Variants in VEZF1 observed in about 807,000 individuals in gnomAD.
VEZF1 encodes putative transcription factor DB1.
In VEZF1, 5 loss-of-function variants were observed where a neutral mutation model predicts 44.1. The ratio of observed to expected loss-of-function variants is 0.11; its 90% CI spans 0.06 to 0.24. The LOEUF is 0.24. Ranked by LOEUF, VEZF1 falls within the 10% of genes least tolerant of loss-of-function variation. The pLI is 1.00. For synonymous variants in VEZF1, 236 were observed against 233.1 expected, an observed-to-expected ratio of 1.01 and a Z score of -0.11; for missense variants, 358 against 641.8, an observed-to-expected ratio of 0.56 and a Z score of 4.78.
chr17:57,972,562 T>C lies in VEZF1; in HGVS notation c.*1911A>G, dbSNP rs1044672498. 1 of 152,634 alleles carries C rather than the reference T, an allele frequency of 6.6e-6. No individual in the cohort carries two copies. Among genetic ancestry groups the C allele is most frequent in the Non-Finnish European group, 1.5e-5 (1 of 68,042 alleles). The allele number at this position is 152,634 out of a possible 1,614,324, so 9.5% of individuals were successfully genotyped here. ...GATAAGAACAGTTGTAACAAAGTCA[T>C]AGCTACATATTTTTCTCTACATTTT... On this transcript the variant is annotated 3_prime_UTR_variant, in exon 6 of 6. Coordinates refer to ENST00000581208, the MANE Select transcript of VEZF1 (RefSeq NM_007146.3).
chr17:57,984,458 A>C (rs2075277771), intron 1 of VEZF1, among the ~76,000 whole-genome samples: 1 of 152,204 alleles, frequency 6.6e-6, no homozygotes, highest in Admixed American at 6.5e-5. Context: ...GTTCTTTACC[A>C]ACATTATTTT....
chr17:57,985,860 A>T (rs1464974921), intron 1 of VEZF1: 7 of 152,228 alleles, frequency 4.6e-5, no homozygotes, highest in Non-Finnish European at 1.5e-5. Flanking sequence ...CTGGAAAGCA[A>T]GCAGGTATTA....
rs754798024 is a variant in VEZF1 at position 57,978,472 on chromosome 17, CTAG to C, written c.1138+677_1138+679del. Among the ~76,000 whole-genome samples the C allele has an allele frequency of 6.0e-4, 91 of 152,242 alleles. 2 individuals carry two copies. In the Middle Eastern group the frequency reaches 0.02, roughly 34 times the overall value. On this transcript the variant is annotated intron_variant, in intron 5 of 5. Transcript: ENST00000581208. ...CAATAGTCCAGAAGCCAAAGCTGTA[CTAG>C]TAAGTTGAAAAGTACGTTGAAAACT...
chr17:57,980,649 C>G lies in VEZF1; in HGVS notation c.930G>C (p.Gln310His). The G allele has an allele frequency of 3.1e-6, 5 of 1,613,672 alleles. No homozygotes were observed. The highest frequency in any genetic ancestry group is 3.4e-6 in the Non-Finnish European group (4 of 1,180,042). Residue 310 changes from glutamine (Q) to histidine (H), a missense_variant, in exon 4 of 6, where the codon CAG becomes CAC. Transcript: ENST00000581208. ...YITSHLKTHG[Q>H]SQSINCNTCK... is the part of the protein sequence containing the mutation. Reference sequence around the variant, plus strand: ...ATGTATTACAGTTGATACTTTGGCTCTGCCCATGAGTCTTTAAGTGGCTGG... The same window carrying G: ...ATGTATTACAGTTGATACTTTGGCTGTGCCCATGAGTCTTTAAGTGGCTGG...
intron 1 of VEZF1, among the ~76,000 whole-genome samples, chr17:57,987,617 G>T (rs1435074025): frequency 6.6e-6 from 1 of 152,022 alleles, no homozygotes; most frequent in Non-Finnish European, 1.5e-5. Flanking sequence ...AGCGAAAGAT[G>T]GATGAAGTGG....
chr17:57,979,653 T>C (rs1352672379), intron 4 of VEZF1, among the ~76,000 whole-genome samples: 1 of 151,804 alleles, frequency 6.6e-6, no homozygotes, highest in Non-Finnish European at 1.5e-5. Flanking sequence ...ATCACAATAA[T>C]GTACACTAAA....
chr17:57,983,389 T>C lies in VEZF1; in HGVS notation c.38A>G (p.His13Arg). The C allele has an allele frequency of 6.2e-7, 1 of 1,603,254 alleles. No homozygotes were observed. The highest frequency in any genetic ancestry group is 8.5e-7 in the Non-Finnish European group (1 of 1,177,244). ...ANWTAFLFQA[H>R]EASHHQQQAA... ...CTGCTGTTGGTGATGGGAAGCTTCA[T>C]GGGCCTAAAACCAAACATTTACACT... The change falls in exon 2 of 6, where the codon CAT becomes CGT. Residue 13 changes from histidine to arginine, a missense_variant. Coordinates refer to ENST00000581208, the MANE Select transcript of VEZF1 (RefSeq NM_007146.3).
intron 1 of VEZF1, among the ~76,000 whole-genome samples, chr17:57,984,830 TC>T (rs2075280934): frequency 2.0e-5 from 3 of 152,212 alleles, no homozygotes; most frequent in African/African-American, 7.2e-5. Context: ...GTTCTCAGTT[TC>T]AATTTAATAA....
intron 1 of VEZF1, chr17:57,985,486 A>C (rs2075286386): frequency 2.5e-6 from 3 of 1,202,254 alleles, no homozygotes; most frequent in Non-Finnish European, 3.1e-6. Context: ...GACAGAGTAA[A>C]ATAACAACCA....
Position 57,988,134 on chromosome 17 carries a change from CCTCCCCA to C in VEZF1, c.-30_-24del. On this transcript the variant is annotated 5_prime_UTR_variant, in exon 1 of 6. Transcript: ENST00000581208. ...CATGGCTGCGGCGGCCGACCCCCCT[CCTCCCCA>C]CTCCCCCCGCTCGGGGAGCCTCCTC... is the stretch of plus-strand genomic sequence containing the variant. 1.3e-6 allele frequency: 1 copy of C among 769,086 alleles called. No homozygotes were observed. Among genetic ancestry groups the C allele is most frequent in the Non-Finnish European group, 1.7e-6 (1 of 594,646 alleles). The allele number at this position is 769,086 out of a possible 1,614,324, so 47.6% of individuals were successfully genotyped here.
At chr17:57,980,457 T>A (rs1343109093) in intron 4 of VEZF1, 146 bp downstream of exon 4, 1 of 708,602 alleles carries the variant, frequency 1.4e-6, no homozygotes, top group Non-Finnish European at 2.4e-6. Flanking sequence ...GACATTAATA[T>A]ACTCTGTCCA....
rs1250004370 is a variant in VEZF1, at chr17:57,972,784, C to T, written c.*1689G>A. 6.6e-6 allele frequency: 1 copy of T among 152,432 alleles called. No homozygotes were observed. The highest frequency in any genetic ancestry group is 1.5e-5 in the Non-Finnish European group (1 of 68,026). 9.4% of individuals were successfully genotyped at this position (152,432 alleles called of 1,614,324 possible). ...AGATCATTTATAAAATTATTTTACA[C>T]TAAGTACTATTTATTTTATTTTTTT... On this transcript the variant is annotated 3_prime_UTR_variant, in exon 6 of 6. Transcript: ENST00000581208.
Position 57,983,080 on chromosome 17 carries a change from A to T in VEZF1, c.347T>A (p.Ile116Asn), listed in dbSNP as rs781739727. Reference protein sequence around the residue: ...KKTPTTVVPLISTIAGDSSRT... With the variant: ...KKTPTTVVPLNSTIAGDSSRT... The stretch of plus-strand genomic sequence containing the variant: ...GCTGCTGTCCCCAGCGATGGTAGAG[A>T]TAAGGGGAACCACCGTGGTGGGGGT... Residue 116 changes from isoleucine to asparagine, a missense_variant, in exon 2 of 6, where the codon ATC becomes AAC. Coordinates refer to ENST00000581208, the MANE Select transcript of VEZF1 (RefSeq NM_007146.3). The T allele has an allele frequency of 5.6e-6, 9 of 1,614,016 alleles. No individual in the cohort carries two copies. In the Admixed American group the frequency reaches 1.5e-4, roughly 27 times the overall value.
chr17:57,983,021 A>G lies in VEZF1; in HGVS notation c.406T>C (p.Leu136=). 2 of 1,614,198 alleles carry G rather than the reference A, an allele frequency of 1.2e-6. No individual in the cohort carries two copies. The highest frequency in any genetic ancestry group is 1.7e-6 in the Non-Finnish European group (2 of 1,180,022). The change falls in exon 2 of 6, where the codon TTG becomes CTG. Residue 136 remains leucine (L), a synonymous_variant. Transcript: ENST00000581208. The part of the protein sequence containing the change: ...TSLVSTIAGI[L]STVTTSSSGT... ...GAGGAAGATGTAGTGACTGTTGACA[A>G]GATGCCTGCAATGGTCGAGACCAAC...
intron 4 of VEZF1, among the ~76,000 whole-genome samples, chr17:57,980,214 T>C (rs752522677): frequency 2.2e-4 from 34 of 152,200 alleles, no homozygotes; most frequent in Non-Finnish European, 4.4e-4. Context: ...GGAAAATGCC[T>C]TCTTCTAGTG....
intron 1 of VEZF1, among the ~76,000 whole-genome samples, chr17:57,987,661 T>C (rs1255371015): frequency 6.6e-6 from 1 of 151,790 alleles, no homozygotes; most frequent in African/African-American, 2.4e-5. Context: ...CCTGGGGACC[T>C]CCTCACCCCA....
At chr17:57,980,850 G>T (rs144309266) in intron 3 of VEZF1, 64 bp from the exon 4 acceptor site, 10 of 1,532,010 alleles carry the variant, frequency 6.5e-6, no homozygotes, top group South Asian at 2.3e-5. Flanking sequence ...TTTGAAGTAC[G>T]TTATATTCTG....
chr17:57,979,620 C>T (rs2075227824), intron 4 of VEZF1, among the ~76,000 whole-genome samples: 1 of 149,206 alleles, frequency 6.7e-6, no homozygotes, highest in African/African-American at 2.5e-5. Context: ...GACTAATCAA[C>T]ATTCAACAAA....
chr17:57,978,377 A>G (rs2075212764), intron 5 of VEZF1, among the ~76,000 whole-genome samples: 1 of 152,220 alleles, frequency 6.6e-6, no homozygotes, highest in African/African-American at 2.4e-5. Context: ...TGGAGGAGGA[A>G]GAAGGAATTT....
Sources: allele counts gnomAD v4.1 joint callset (sites outside exome capture counted in the v4.1 genomes callset), GRCh38; gene constraint gnomAD v4.1.1; transcripts MANE v1.5; gene names NCBI Gene and HGNC (gene_info 2026-07-23, HGNC 2026-07-21).